Variants in STAMBPL1 observed in about 807,000 individuals in gnomAD.
STAMBPL1 encodes STAM binding protein like 1, also known as AMSH-like protease.
Under a neutral mutation model 52.9 loss-of-function variants are expected in STAMBPL1, and 44 were observed. The ratio of observed to expected loss-of-function variants is 0.83; its 90% CI spans 0.65 to 1.07. The LOEUF (loss-of-function observed/expected upper bound fraction) is 1.07, where lower values mean the gene tolerates loss of function less well. Among genes scored for constraint, STAMBPL1 ranks in the 50% least tolerant of loss-of-function variants. The pLI is 0.00. For missense variants in STAMBPL1, 511 were observed against 520.8 expected, an observed-to-expected ratio of 0.98 and a Z score of 0.18; for synonymous variants, 164 against 177.3, an observed-to-expected ratio of 0.92 and a Z score of 0.60.
intron 5 of STAMBPL1, 100 bp downstream of exon 5, chr10:88,911,111 T>C (rs1445079191): frequency 3.7e-6 from 3 of 800,518 alleles, no homozygotes; most frequent in Non-Finnish European, 5.5e-6. Flanking sequence ...TTTGTGCATT[T>C]AAATTAAAAA....
chr10:88,897,760 AG>A (rs1162545128), intron 1 of STAMBPL1, among the ~76,000 whole-genome samples: 1 of 152,216 alleles, frequency 6.6e-6, no homozygotes, highest in Non-Finnish European at 1.5e-5. Flanking sequence ...CTCAACACCC[AG>A]GCTTATCTCA....
At chr10:88,922,503 A>T in intron 10 of STAMBPL1, 67 bp downstream of exon 10, 1 of 1,433,648 alleles carries the variant, frequency 7.0e-7, no homozygotes, top group East Asian at 2.3e-5. Context: ...TCTGTTTTTA[A>T]ATAAATAGTA....
In STAMBPL1 at chr10:88,905,480, C is replaced by T; in HGVS notation, c.68C>T (p.Ser23Phe). ...LAAMPDHTDV[S>F]LSPEERVRAL... Reference sequence around the variant, plus strand: ...GCTATGCCTGACCATACAGATGTTTCCCTAAGCCCAGAAGAGCGAGTCCGT... The same window carrying T: ...GCTATGCCTGACCATACAGATGTTTTCCTAAGCCCAGAAGAGCGAGTCCGT... Residue 23 changes from serine (S) to phenylalanine (F), a missense_variant, in exon 3 of 11, where the codon TCC (serine) becomes TTC (phenylalanine). Coordinates refer to ENST00000371926, the MANE Select transcript of STAMBPL1 (RefSeq NM_020799.4). The T allele has an allele frequency of 3.1e-6, 5 of 1,614,066 alleles. No individual in the cohort carries two copies. The highest frequency in any genetic ancestry group is 4.2e-6 in the Non-Finnish European group (5 of 1,179,986).
intron 1 of STAMBPL1, 62 bp downstream of exon 1, chr10:88,880,700 G>C (rs1360157202): frequency 6.6e-6 from 1 of 152,340 alleles, no homozygotes; most frequent in East Asian, 1.9e-4. Context: ...GCGCACGGCG[G>C]GTGCGTCTGC....
chr10:88,920,813 T>C (rs1397286940), intron 8 of STAMBPL1, among the ~76,000 whole-genome samples: 1 of 152,202 alleles, frequency 6.6e-6, no homozygotes, highest in East Asian at 1.9e-4. Context: ...TAGTGAAAAC[T>C]TTCTTTTAAT....
At chr10:88,893,645 A>G (rs1844742085) in intron 1 of STAMBPL1, among the ~76,000 whole-genome samples, 1 of 152,144 alleles carries the variant, frequency 6.6e-6, no homozygotes, top group Non-Finnish European at 1.5e-5. Flanking sequence ...GGAAGCTGAA[A>G]GAGGAGAATC....
chr10:88,889,474 A>G (rs1478615610), intron 1 of STAMBPL1, among the ~76,000 whole-genome samples: 1 of 152,102 alleles, frequency 6.6e-6, no homozygotes, highest in East Asian at 1.9e-4. Context: ...TGCTCATGTC[A>G]CTTGCCCATT....
chr10:88,882,873 A>G (rs1384466106), intron 1 of STAMBPL1: 1 of 152,132 alleles, frequency 6.6e-6, no homozygotes, highest in Non-Finnish European at 1.5e-5. Flanking sequence ...TTTTATTATT[A>G]TTGTACTTTA....
chr10:88,889,801 C>G (rs907124906), intron 1 of STAMBPL1, among the ~76,000 whole-genome samples: 1 of 152,162 alleles, frequency 6.6e-6, no homozygotes, highest in Non-Finnish European at 1.5e-5. Flanking sequence ...AGATCTTATT[C>G]AAATTTCACC....
rs368494592 is a variant in STAMBPL1 at position 88,922,231 on chromosome 10, C to T, written c.1155-106C>T. The T allele has an allele frequency of 7.6e-6, 8 of 1,056,178 alleles. No individual in the cohort carries two copies. In the East Asian group the frequency reaches 7.7e-5, roughly 10 times the overall value. 65.4% of individuals were successfully genotyped at this position (1,056,178 alleles called of 1,614,324 possible). On this transcript the variant is annotated intron_variant, in intron 9 of 10. Transcript: ENST00000371926. Reference sequence around the variant, plus strand: ...CTATGGAATTCCTAGTTTGTGATTTCTCAATCCCATCTGAGGAATATGTAT... The same window carrying T: ...CTATGGAATTCCTAGTTTGTGATTTTTCAATCCCATCTGAGGAATATGTAT...
At chr10:88,882,246 C>G (rs1031476347) in intron 1 of STAMBPL1, 1 of 152,232 alleles carries the variant, frequency 6.6e-6, no homozygotes, top group African/African-American at 2.4e-5. Flanking sequence ...AGGATTCTTA[C>G]GGTTTGTGGG....
chr10:88,905,797 A>G, intron 3 of STAMBPL1, 137 bp downstream of exon 3: 4 of 706,826 alleles, frequency 5.7e-6, no homozygotes, highest in Non-Finnish European at 9.2e-6. Context: ...TAAATGTTCA[A>G]GTTTTTAAAT....
At chr10:88,911,243 A>G (rs146371206) in intron 5 of STAMBPL1, among the ~76,000 whole-genome samples, 8 of 152,206 alleles carry the variant, frequency 5.3e-5, no homozygotes, top group African/African-American at 1.9e-4. Context: ...GTGTTAGAAA[A>G]CAGATTTCCT....
At chr10:88,923,145 A>C (rs777039090) in intron 10 of STAMBPL1, 23 bp from the exon 11 acceptor site, 1 of 1,581,730 alleles carries the variant, frequency 6.3e-7, no homozygotes, top group Middle Eastern at 1.8e-4. Flanking sequence ...AACATATGGT[A>C]AAACCAATTT....
chr10:88,920,937 C>G (rs1013473242), intron 8 of STAMBPL1, among the ~76,000 whole-genome samples: 2 of 152,000 alleles, frequency 1.3e-5, no homozygotes, highest in African/African-American at 2.4e-5. Context: ...TTTTGGGATC[C>G]TTGTATGTAA....
At position 88,923,224 on chromosome 10, in the gene STAMBPL1, A is replaced by G. The variant is rs777708455; in HGVS notation, c.1311A>G (p.Ter437TrpextTer43). Reference protein sequence around the residue: ...DIKIIVLDLR* With the variant: ...DIKIIVLDLRW ...AAATAATTGTGTTGGATCTGAGGTG[A>G]TATGTTCTGAATGTAAGCACCGTCA... Residue 437 changes from the stop codon to tryptophan (W), a stop_lost, in exon 11 of 11, where the codon TGA becomes TGG. Transcript: ENST00000371926. 2 of 1,604,432 alleles carry G rather than the reference A, an allele frequency of 1.2e-6. No individual in the cohort carries two copies. The highest frequency in any genetic ancestry group is 1.7e-6 in the Non-Finnish European group (2 of 1,177,724).
chr10:88,900,873 G>A (rs1564625628), intron 1 of STAMBPL1, among the ~76,000 whole-genome samples: 1 of 152,194 alleles, frequency 6.6e-6, no homozygotes, highest in Non-Finnish European at 1.5e-5. Context: ...TCAGAGGCTT[G>A]CAGTCATCTT....
intron 1 of STAMBPL1, among the ~76,000 whole-genome samples, chr10:88,884,511 A>G (rs1267333415): frequency 1.3e-5 from 2 of 152,196 alleles, no homozygotes; most frequent in Non-Finnish European, 1.5e-5. Flanking sequence ...GTGTCTGATG[A>G]TGACAGCCTG....
chr10:88,922,117 C>T lies in STAMBPL1; in HGVS notation c.1155-220C>T, dbSNP rs148135078. 4.0e-4 allele frequency among the ~76,000 whole-genome samples: 61 copies of T among 152,176 alleles called. No homozygotes were observed. In the East Asian group the frequency reaches 9.5e-3, roughly 24 times the overall value. On this transcript the variant is annotated intron_variant, in intron 9 of 10. Coordinates refer to ENST00000371926, the MANE Select transcript of STAMBPL1 (RefSeq NM_020799.4). ...CACGATAGCTTATTTGCCTTGTCCCCTTAACGGTCCTGCAGGCTCTTAGCA... is the reference window on the plus strand; with the variant it reads ...CACGATAGCTTATTTGCCTTGTCCCTTTAACGGTCCTGCAGGCTCTTAGCA...
Sources: allele counts gnomAD v4.1 joint callset (sites outside exome capture counted in the v4.1 genomes callset), GRCh38; gene constraint gnomAD v4.1.1; transcripts MANE v1.5; gene names NCBI Gene and HGNC (gene_info 2026-07-23, HGNC 2026-07-21).